The following HS3ST3B1 variants were observed in gnomAD, a reference collection of about 807,000 sequenced individuals.
The protein encoded by HS3ST3B1 is heparan sulfate glucosamine 3-O-sulfotransferase 3B1.
Under a neutral mutation model 21.3 loss-of-function variants are expected in HS3ST3B1, and 13 were observed. That is an observed-to-expected ratio of 0.61 (90% CI 0.40 to 0.97). HS3ST3B1 has a LOEUF of 0.97. Ranked by LOEUF, HS3ST3B1 falls within the 50% of genes least tolerant of loss-of-function variation. The pLI is 0.00. For missense variants in HS3ST3B1, 459 were observed against 554.8 expected, an observed-to-expected ratio of 0.83 and a Z score of 1.73; for synonymous variants, 234 against 254.8, an observed-to-expected ratio of 0.92 and a Z score of 0.78.
intron 1 of HS3ST3B1, among the ~76,000 whole-genome samples, chr17:14,312,715 G>A (rs1440513180): frequency 2.0e-5 from 3 of 151,594 alleles, no homozygotes; most frequent in Non-Finnish European, 4.4e-5. Flanking sequence ...TCTCCCACCT[G>A]CCCTTTGTGC....
At chr17:14,323,154 C>T (rs1434379830) in intron 1 of HS3ST3B1, among the ~76,000 whole-genome samples, 1 of 152,122 alleles carries the variant, frequency 6.6e-6, no homozygotes, top group Non-Finnish European at 1.5e-5. Flanking sequence ...GATCCACCTG[C>T]CTTGGCCTCC....
chr17:14,330,175 G>T, intron 1 of HS3ST3B1, among the ~76,000 whole-genome samples: 1 of 152,130 alleles, frequency 6.6e-6, no homozygotes, highest in East Asian at 1.9e-4. Context: ...ACACCTCCTG[G>T]GGGTGGTCTG....
chr17:14,332,865 G>C (rs1427011266), intron 1 of HS3ST3B1, among the ~76,000 whole-genome samples: 1 of 124,820 alleles, frequency 8.0e-6, no homozygotes, highest in East Asian at 2.4e-4. Flanking sequence ...AATGTCGTAG[G>C]TTAAGACGTG....
rs376605009 is a variant in HS3ST3B1 at position 14,345,506 on chromosome 17, C to T, written c.1033C>T (p.Arg345Trp). Residue 345 changes from arginine to tryptophan, a missense_variant, in exon 2 of 2, where the codon CGG becomes TGG. Transcript: ENST00000360954. ...CCTGAAGAAGGCGGAGGGCAGCAGC[C>T]GGCCCCATTGCCTGGGCAAGACCAA... ...PCLKKAEGSS[R>W]PHCLGKTKGR... 2.8e-5 allele frequency: 45 copies of T among 1,592,012 alleles called. No homozygotes were observed. Among genetic ancestry groups the T allele is most frequent in the Non-Finnish European group, 3.7e-5 (43 of 1,163,674 alleles).
intron 1 of HS3ST3B1, among the ~76,000 whole-genome samples, chr17:14,308,855 T>G (rs1909211674): frequency 6.6e-6 from 1 of 152,140 alleles, no homozygotes; most frequent in South Asian, 2.1e-4. Flanking sequence ...TTCTCCCAAG[T>G]CTTTGCCCCA....
intron 1 of HS3ST3B1, among the ~76,000 whole-genome samples, chr17:14,339,033 G>A (rs1181313768): frequency 6.6e-6 from 1 of 152,174 alleles, no homozygotes; most frequent in East Asian, 1.9e-4. Context: ...ACTCTTGTGG[G>A]CTGTGAGCAT....
chr17:14,322,086 T>A (rs1909676808), intron 1 of HS3ST3B1, among the ~76,000 whole-genome samples: 1 of 151,480 alleles, frequency 6.6e-6, no homozygotes, highest in African/African-American at 2.4e-5. Flanking sequence ...TTTTTTTTAA[T>A]TGTCGGATAG....
In HS3ST3B1 at chr17:14,332,590, T is replaced by C. The variant is rs537426164; in HGVS notation, c.555-12438T>C. Among the ~76,000 whole-genome samples the C allele has an allele frequency of 6.0e-4, 92 of 152,194 alleles. 1 individual carries two copies. Among genetic ancestry groups the C allele is most frequent in the African/African-American group, 2.1e-3 (87 of 41,520 alleles). The stretch of plus-strand genomic sequence containing the variant: ...TCCTGGAATGGAAAGATTGAGCAAC[T>C]GGTCCACGGAATGCGGAGACTGAAA... On this transcript the variant is annotated intron_variant, in intron 1 of 1. Coordinates refer to ENST00000360954, the MANE Select transcript of HS3ST3B1 (RefSeq NM_006041.3).
chr17:14,335,411 T>G (rs1910156235), intron 1 of HS3ST3B1, among the ~76,000 whole-genome samples: 1 of 152,178 alleles, frequency 6.6e-6, no homozygotes, highest in African/African-American at 2.4e-5. Context: ...ATATGAAAAT[T>G]TGGCCAGATG....
At chr17:14,307,534 A>G (rs1021234697) in intron 1 of HS3ST3B1, among the ~76,000 whole-genome samples, 3 of 152,162 alleles carry the variant, frequency 2.0e-5, no homozygotes, top group Admixed American at 1.3e-4. Context: ...TTCTGGTTAT[A>G]TGAAATGACT....
chr17:14,324,349 C>G (rs1404584560), intron 1 of HS3ST3B1, among the ~76,000 whole-genome samples: 1 of 152,150 alleles, frequency 6.6e-6, no homozygotes, highest in East Asian at 1.9e-4. Flanking sequence ...TCCTTGTCCC[C>G]ACTTCTTTCT....
chr17:14,319,076 G>A (rs186086854), intron 1 of HS3ST3B1, among the ~76,000 whole-genome samples: 3 of 152,274 alleles, frequency 2.0e-5, no homozygotes, highest in Non-Finnish European at 2.9e-5. Context: ...TGGATGGATC[G>A]TAAGTCCCAG....
intron 1 of HS3ST3B1, chr17:14,327,188 G>A (rs1007585760): frequency 2.0e-5 from 3 of 152,396 alleles, no homozygotes; most frequent in African/African-American, 7.2e-5. Context: ...CTTTCCTCTT[G>A]CTGCTACCTA....
chr17:14,306,384 G>A (rs1213792033), intron 1 of HS3ST3B1, among the ~76,000 whole-genome samples: 1 of 152,196 alleles, frequency 6.6e-6, no homozygotes, highest in East Asian at 1.9e-4. Flanking sequence ...TCCTTTTTAA[G>A]GCTGGGAGGA....
chr17:14,322,789 G>A (rs897744423), intron 1 of HS3ST3B1, among the ~76,000 whole-genome samples: 4 of 152,070 alleles, frequency 2.6e-5, no homozygotes, highest in South Asian at 4.2e-4. Flanking sequence ...CAACCAACCC[G>A]TGGCTGGTGG....
chr17:14,320,916 C>T (rs777173438), intron 1 of HS3ST3B1, among the ~76,000 whole-genome samples: 6 of 152,322 alleles, frequency 3.9e-5, no homozygotes, highest in East Asian at 1.9e-4. Context: ...ACACCTGTTC[C>T]GAGTGTGCAA....
At chr17:14,306,450 A>G (rs1909142066) in intron 1 of HS3ST3B1, among the ~76,000 whole-genome samples, 1 of 152,234 alleles carries the variant, frequency 6.6e-6, no homozygotes, top group Non-Finnish European at 1.5e-5. Flanking sequence ...TTATTCATAA[A>G]AAGAGTGCCC....
intron 1 of HS3ST3B1, among the ~76,000 whole-genome samples, chr17:14,343,566 A>G (rs1224550685): frequency 6.6e-6 from 1 of 152,200 alleles, no homozygotes; most frequent in East Asian, 1.9e-4. Context: ...TAGATTCTAC[A>G]TATAAATGAG....
intron 1 of HS3ST3B1, among the ~76,000 whole-genome samples, chr17:14,319,414 G>A (rs531869725): frequency 5.3e-5 from 8 of 152,310 alleles, no homozygotes; most frequent in Admixed American, 5.2e-4. Context: ...GCCAACAGTG[G>A]ACACAGGGAA....
Sources: gnomAD v4.1 joint callset for allele counts (sites outside exome capture counted in the v4.1 genomes callset) on GRCh38, gnomAD v4.1.1 for gene constraint, MANE v1.5 for transcripts, NCBI Gene and HGNC (gene_info 2026-07-23, HGNC 2026-07-21) for gene names.